SBF2: variants seen among roughly 807,000 people sequenced by gnomAD.
SBF2 encodes myotubularin-related protein 13.
A neutral mutation model predicts 225.2 loss-of-function variants in SBF2; 112 were observed. The observed-to-expected ratio is 0.50, with a 90% CI of 0.43 to 0.58. The LOEUF (loss-of-function observed/expected upper bound fraction) is 0.58. SBF2 is among the 20% of genes least tolerant of loss of function. SBF2 has a pLI of 0.00. For missense variants in SBF2, 1,996 were observed against 2,206.2 expected (o/e 0.90, Z 1.91); for synonymous variants, 763 against 773.3 (o/e 0.99, Z 0.22).
In SBF2 at chr11:9,781,524, C is replaced by G; in HGVS notation, c.5434G>C (p.Asp1812His). The G allele has an allele frequency of 6.2e-7, 1 of 1,614,206 alleles. No homozygotes were observed. The highest frequency in any genetic ancestry group is 8.5e-7 in the Non-Finnish European group (1 of 1,180,038). Residue 1812 changes from aspartate to histidine, a missense_variant, in exon 39 of 40, where the codon GAC becomes CAC. Physicochemically the swap from Asp to His is moderately conservative, Grantham distance 81 (BLOSUM62 -1). Transcript: ENST00000256190. ...CAACTTACATCAAAGAAAGCCTTGT[C>G]ACTTGTGTGCTTTGGGGCTCCCATG... ...PSMGAPKHTS[D>H]KAFFDLKTSK...
rs1852226537 is a variant in SBF2, at chr11:9,784,335, G to C, written c.5319+16C>G. Reference sequence around the variant, plus strand: ...GCCTAGACAGAAGTAATTTCTTTTGGCTTTAAGAGTATTACCTGATGTTTT... The same window carrying C: ...GCCTAGACAGAAGTAATTTCTTTTGCCTTTAAGAGTATTACCTGATGTTTT... On this transcript the variant is annotated intron_variant, in intron 38 of 39. Coordinates refer to ENST00000256190, the MANE Select transcript of SBF2 (RefSeq NM_030962.4). 2 of 1,591,528 alleles carry C rather than the reference G, an allele frequency of 1.3e-6. No individual in the cohort carries two copies. Among genetic ancestry groups the C allele is most frequent in the African/African-American group, 1.3e-5 (1 of 74,454 alleles).
intron 2 of SBF2, among the ~76,000 whole-genome samples, chr11:10,050,105 C>G (rs529434830): frequency 3.4e-4 from 52 of 152,258 alleles, no homozygotes; most frequent in African/African-American, 1.2e-3. Context: ...ATATCATTAG[C>G]TAATCACTAG....
intron 16 of SBF2, among the ~76,000 whole-genome samples, chr11:9,931,737 C>A (rs867980734): frequency 3.5e-4 from 54 of 152,316 alleles, no homozygotes; most frequent in Middle Eastern, 6.8e-3. Flanking sequence ...CAAAGGATCG[C>A]AGCTCCTCCC....
intron 6 of SBF2, among the ~76,000 whole-genome samples, chr11:10,018,954 C>A (rs1416138269): frequency 6.6e-6 from 1 of 152,152 alleles, no homozygotes; most frequent in Non-Finnish European, 1.5e-5. Flanking sequence ...AAATATGCTT[C>A]TTCTTCTAGA....
chr11:9,957,214 T>C (rs1407854723), intron 16 of SBF2: 1 of 152,162 alleles, frequency 6.6e-6, no homozygotes, highest in Non-Finnish European at 1.5e-5. Context: ...TAACATGTCG[T>C]CTGTTAACTG....
intron 29 of SBF2, among the ~76,000 whole-genome samples, chr11:9,813,770 C>T (rs1294308076): frequency 6.6e-6 from 1 of 151,944 alleles, no homozygotes; most frequent in African/African-American, 2.4e-5. Context: ...GGTGAAATCC[C>T]ATCTCTACTA....
At chr11:10,242,358 T>C (rs1286259574) in intron 1 of SBF2, among the ~76,000 whole-genome samples, 1 of 151,164 alleles carries the variant, frequency 6.6e-6, no homozygotes, top group African/African-American at 2.4e-5. Flanking sequence ...AAAACACCCA[T>C]AGTAGGTACA....
intron 2 of SBF2, among the ~76,000 whole-genome samples, chr11:10,174,976 C>T (rs1001982688): frequency 2.0e-5 from 3 of 151,812 alleles, no homozygotes; most frequent in African/African-American, 7.3e-5. Context: ...GATTTTGTCA[C>T]CACCAGGCCT....
At chr11:10,236,862 T>C (rs1379587941) in intron 1 of SBF2, among the ~76,000 whole-genome samples, 2 of 152,146 alleles carry the variant, frequency 1.3e-5, no homozygotes, top group African/African-American at 4.8e-5. Context: ...ACTTCTCTGA[T>C]GGAAACAAAT....
Position 9,816,834 on chromosome 11 carries a change from T to A in SBF2, c.3978+6A>T. Reference sequence around the variant, plus strand: ...AAGTTTCTAAGTGAGAAAAAAGAAATCTTACCCTTAGTTGCGACTTTTCAC... The same window carrying A: ...AAGTTTCTAAGTGAGAAAAAAGAAAACTTACCCTTAGTTGCGACTTTTCAC... On this transcript the variant is annotated splice_donor_region_variant and intron_variant, in intron 29 of 39. Coordinates refer to ENST00000256190, the MANE Select transcript of SBF2 (RefSeq NM_030962.4). 6.2e-7 allele frequency: 1 copy of A among 1,613,780 alleles called. No homozygotes were observed. Among genetic ancestry groups the A allele is most frequent in the Non-Finnish European group, 8.5e-7 (1 of 1,179,752 alleles).
At chr11:10,237,243 A>C (rs772948747) in intron 1 of SBF2, among the ~76,000 whole-genome samples, 1 of 152,168 alleles carries the variant, frequency 6.6e-6, no homozygotes, top group Non-Finnish European at 1.5e-5. Context: ...GCTATTTGGG[A>C]GCCTGTGGCA....
chr11:10,181,480 T>G (rs1956733821), intron 2 of SBF2, among the ~76,000 whole-genome samples: 1 of 152,108 alleles, frequency 6.6e-6, no homozygotes, highest in Non-Finnish European at 1.5e-5. Context: ...GCAGTTCAGA[T>G]TCTAGATAAT....
chr11:9,846,651 G>C (rs1020892887), intron 23 of SBF2, among the ~76,000 whole-genome samples: 1 of 152,136 alleles, frequency 6.6e-6, no homozygotes, highest in Admixed American at 6.6e-5. Flanking sequence ...TTATCTAAAG[G>C]CTTCATCAAA....
chr11:10,051,592 C>T (rs756187732), intron 2 of SBF2, among the ~76,000 whole-genome samples: 28 of 151,896 alleles, frequency 1.8e-4, no homozygotes, highest in Admixed American at 2.6e-4. Flanking sequence ...ACACTGGTTA[C>T]GTATGAGATC....
At chr11:10,228,023 A>G (rs562664018) in intron 1 of SBF2, among the ~76,000 whole-genome samples, 1,612 of 151,192 alleles carry the variant, frequency 0.011, 26 homozygotes, top group Non-Finnish European at 0.01. Context: ...GTTCTCCTTG[A>G]AGAGGTCCTT....
At chr11:10,189,345 G>C (rs1489399407) in intron 2 of SBF2, among the ~76,000 whole-genome samples, 2 of 151,992 alleles carry the variant, frequency 1.3e-5, no homozygotes, top group Admixed American at 6.6e-5. Context: ...TCTACAAAAA[G>C]GAAGAGAAAA....
chr11:10,293,884 G>A, intron 1 of SBF2, 131 bp downstream of exon 1: 1 of 623,792 alleles, frequency 1.6e-6, no homozygotes, highest in Non-Finnish European at 2.3e-6. Context: ...GCCGGACGCC[G>A]ACCGCCCGCT....
chr11:10,255,253 A>C (rs1387877113), intron 1 of SBF2, among the ~76,000 whole-genome samples: 1 of 152,238 alleles, frequency 6.6e-6, no homozygotes, highest in Non-Finnish European at 1.5e-5. Context: ...TCAGTATACA[A>C]AATCAGTAAG....
At chr11:9,952,837 T>C (rs998882452) in intron 16 of SBF2, among the ~76,000 whole-genome samples, 5 of 152,232 alleles carry the variant, frequency 3.3e-5, no homozygotes, top group African/African-American at 1.2e-4. Context: ...AACCACAATA[T>C]GATACCACCC....
Sources: allele counts gnomAD v4.1 joint callset (sites outside exome capture counted in the v4.1 genomes callset), GRCh38; gene constraint gnomAD v4.1.1; transcripts MANE v1.5; gene names NCBI Gene and HGNC (gene_info 2026-07-23, HGNC 2026-07-21).